The following PPP2R2C variants were observed in gnomAD, a reference collection of about 807,000 sequenced individuals.
PPP2R2C encodes the protein protein phosphatase 2 regulatory subunit Bgamma.
A neutral mutation model predicts 45.3 loss-of-function variants in PPP2R2C; 10 were observed. The observed-to-expected ratio is 0.22, with a 90% confidence interval of 0.14 to 0.37. The LOEUF is 0.37. Ranked by LOEUF, PPP2R2C falls within the 10% of genes least tolerant of loss-of-function variation. PPP2R2C has a pLI of 1.00. For missense variants in PPP2R2C, 308 were observed against 619.7 expected (o/e 0.50, Z 5.34); for synonymous variants, 257 against 245.4 (o/e 1.05, Z -0.44).
chr4:6,426,733 G>C (rs1443434268), intron 1 of PPP2R2C, among the ~76,000 whole-genome samples: 1 of 152,108 alleles, frequency 6.6e-6, no homozygotes, highest in African/African-American at 2.4e-5. Flanking sequence ...AGGCTGGATG[G>C]GGCCCTGGAG....
At chr4:6,346,008 G>A (rs1446277258) in intron 6 of PPP2R2C, among the ~76,000 whole-genome samples, 1 of 152,136 alleles carries the variant, frequency 6.6e-6, no homozygotes, top group Admixed American at 6.5e-5. Flanking sequence ...GTTGTTCCAG[G>A]CCACGGCCCC....
At chr4:6,484,458 T>A (rs958318201) in intron 2 of PPP2R2C, among the ~76,000 whole-genome samples, 1 of 151,818 alleles carries the variant, frequency 6.6e-6, no homozygotes, top group Admixed American at 6.6e-5. Context: ...TTGTTTTGGC[T>A]ATCCTAGGTC....
intron 5 of PPP2R2C, chr4:6,348,854 G>A (rs1712258815): frequency 3.1e-6 from 2 of 646,376 alleles, no homozygotes; most frequent in Non-Finnish European, 3.8e-6. Context: ...ACTGCTAAAT[G>A]TGGGAGCCAA....
intron 4 of PPP2R2C, among the ~76,000 whole-genome samples, chr4:6,373,010 G>C (rs1714978988): frequency 1.3e-5 from 2 of 152,234 alleles, no homozygotes; most frequent in Admixed American, 1.3e-4. Flanking sequence ...TTGTCTGCCA[G>C]GCCTCCTCAC....
At chr4:6,557,808 A>G (rs1322100849) in intron 1 of PPP2R2C, among the ~76,000 whole-genome samples, 2 of 152,238 alleles carry the variant, frequency 1.3e-5, no homozygotes, top group East Asian at 3.9e-4. Context: ...AGGGTGAGCT[A>G]CTGCAGAATA....
chr4:6,346,176 G>A (rs1711897314), intron 6 of PPP2R2C, among the ~76,000 whole-genome samples: 2 of 152,120 alleles, frequency 1.3e-5, no homozygotes, highest in South Asian at 4.1e-4. Flanking sequence ...ACCCTGCAGC[G>A]ACCTCTGACG....
Position 6,323,338 on chromosome 4 carries a change from G to C in PPP2R2C, c.1308C>G (p.Tyr436Ter). 1 of 1,612,850 alleles carries C rather than the reference G, an allele frequency of 6.2e-7. No homozygotes were observed. Among genetic ancestry groups the C allele is most frequent in the Non-Finnish European group, 8.5e-7 (1 of 1,179,024 alleles). The change falls in exon 9 of 9, where the codon TAC (tyrosine) becomes TAG (stop). Residue 436 changes from tyrosine (Y) to a stop codon, truncating the protein, a stop_gained. Coordinates refer to ENST00000382599, the MANE Select transcript of PPP2R2C (RefSeq NM_020416.4). LOFTEE classifies it high-confidence loss of function. ...IIAIAATNNLYIFQDKVNSDM... is the reference protein window; with the variant it reads ...IIAIAATNNL The stretch of plus-strand genomic sequence containing the variant: ...CAGAGTTTACCTTGTCCTGGAAGAT[G>C]TACAGGTTGTTGGTGGCGGCGATGG...
Position 6,378,762 on chromosome 4 carries a change from C to T in PPP2R2C, c.169-190G>A, listed in dbSNP as rs1042463928. On this transcript the variant is annotated intron_variant, in intron 2 of 8. Coordinates refer to ENST00000382599, the MANE Select transcript of PPP2R2C (RefSeq NM_020416.4). The surrounding 1 kb of genome is among the most constrained non-coding windows in gnomAD (Gnocchi z 5.2). ...CTTGCAGTGTGCCAGGGACAAGCCC[C>T]GCTCCCGTGCGGTCCCATGAAACAC... is the stretch of plus-strand genomic sequence containing the variant. 3.9e-5 allele frequency among the ~76,000 whole-genome samples: 6 copies of T among 152,056 alleles called. No individual in the cohort carries two copies. Among genetic ancestry groups the T allele is most frequent in the East Asian group, 3.9e-4 (2 of 5,172 alleles).
intron 1 of PPP2R2C, among the ~76,000 whole-genome samples, chr4:6,439,223 A>G (rs1398658943): frequency 6.6e-6 from 1 of 152,266 alleles, no homozygotes; most frequent in Non-Finnish European, 1.5e-5. Flanking sequence ...GTTTGCCAGT[A>G]TCAGCAGAAA....
chr4:6,450,966 T>C (rs1720707182), intron 1 of PPP2R2C, among the ~76,000 whole-genome samples: 1 of 152,164 alleles, frequency 6.6e-6, no homozygotes, highest in South Asian at 2.1e-4. Flanking sequence ...CATTCTCTCC[T>C]GTATCCCTGG....
At chr4:6,367,691 T>C (rs1169472006) in intron 5 of PPP2R2C, among the ~76,000 whole-genome samples, 2 of 152,192 alleles carry the variant, frequency 1.3e-5, no homozygotes, top group Admixed American at 6.5e-5. Flanking sequence ...GTCCTCACAC[T>C]TTCTCTGCCA....
chr4:6,462,072 T>A (rs1721354895), intron 1 of PPP2R2C, among the ~76,000 whole-genome samples: 1 of 151,946 alleles, frequency 6.6e-6, no homozygotes, highest in Admixed American at 6.6e-5. Context: ...AGCCAGGGAG[T>A]GGCGAGGGCA....
chr4:6,449,353 G>A (rs10014123), intron 1 of PPP2R2C, among the ~76,000 whole-genome samples: 19,699 of 152,260 alleles, frequency 0.13, 1,344 homozygotes, highest in African/African-American at 0.15. Flanking sequence ...GTCTCTAAGT[G>A]CCCATTCCGA....
rs1006288748 is a variant in PPP2R2C at position 6,368,818 on chromosome 4, A to G, written c.625+3705T>C. Among the ~76,000 whole-genome samples, 28 of 152,078 alleles carry G rather than the reference A, an allele frequency of 1.8e-4. No individual in the cohort carries two copies. Among genetic ancestry groups the G allele is most frequent in the African/African-American group, 5.3e-4 (22 of 41,466 alleles). On this transcript the variant is annotated intron_variant, in intron 5 of 8. Coordinates refer to ENST00000382599, the MANE Select transcript of PPP2R2C (RefSeq NM_020416.4). This position sits in a 1 kb window ranked among gnomAD's most constrained non-coding sequence, Gnocchi z 4.2. ...CGCCAGCCTTGTCTGCTGGAATCCA[A>G]TCCACCCACGACACACACCCACGAC...
At chr4:6,552,057 A>G (rs1725201476) in intron 1 of PPP2R2C, among the ~76,000 whole-genome samples, 1 of 152,244 alleles carries the variant, frequency 6.6e-6, no homozygotes, top group Non-Finnish European at 1.5e-5. Flanking sequence ...CAAAGACAGC[A>G]GGTGCTGTGT....
At chr4:6,334,189 G>A (rs932966964) in intron 6 of PPP2R2C, among the ~76,000 whole-genome samples, 1 of 152,208 alleles carries the variant, frequency 6.6e-6, no homozygotes, top group Non-Finnish European at 1.5e-5. Context: ...CCTTGGGCCA[G>A]TAGTTATCTC....
intron 6 of PPP2R2C, among the ~76,000 whole-genome samples, chr4:6,343,736 A>G (rs1350515056): frequency 6.6e-6 from 1 of 152,182 alleles, no homozygotes; most frequent in Admixed American, 6.5e-5. Context: ...TCTCTCCCTC[A>G]AAAGGACACC....
intron 1 of PPP2R2C, among the ~76,000 whole-genome samples, chr4:6,450,242 C>A (rs997251630): frequency 3.3e-5 from 5 of 152,180 alleles, no homozygotes. Context: ...GGGTTCAGCA[C>A]CAACTGCAGG....
At chr4:6,476,813 A>C (rs766348234), upstream of PPP2R2C, among the ~76,000 whole-genome samples, 47 of 152,182 alleles carry the variant, frequency 3.1e-4, no homozygotes, top group Admixed American at 2.6e-3. Flanking sequence ...TATATATGTA[A>C]CTGTAATTTA....
Sources: allele counts gnomAD v4.1 joint callset (sites outside exome capture counted in the v4.1 genomes callset), GRCh38; gene constraint gnomAD v4.1.1; non-coding constraint Gnocchi (gnomAD v3.1); transcripts MANE v1.5; gene names NCBI Gene and HGNC (gene_info 2026-07-23, HGNC 2026-07-21).